The following AKAP9 variants were observed in gnomAD, a reference collection of about 807,000 sequenced individuals.
The protein encoded by AKAP9 is A-kinase anchor protein 9.
Under a neutral mutation model 488.5 loss-of-function variants are expected in AKAP9, and 311 were observed. The observed-to-expected ratio is 0.64, with a 90% confidence interval of 0.58 to 0.70. The LOEUF is 0.70. AKAP9 is among the 30% of genes least tolerant of loss of function. The pLI, the probability that AKAP9 is intolerant of heterozygous loss-of-function variation, is 0.00. For synonymous variants in AKAP9, 1,462 were observed against 1,483.5 expected, an observed-to-expected ratio of 0.99 and a Z score of 0.33; for missense variants, 4,215 against 4,374.5, an observed-to-expected ratio of 0.96 and a Z score of 1.03.
At chr7:92,081,207 ATATGT>A (rs1227270294) in intron 31 of AKAP9, among the ~76,000 whole-genome samples, 1 of 152,026 alleles carries the variant, frequency 6.6e-6, no homozygotes, top group African/African-American at 2.4e-5. Flanking sequence ...AAGTATGAAA[ATATGT>A]TAGGATTGAC....
chr7:92,008,559 C>T (rs1054549468), intron 8 of AKAP9, among the ~76,000 whole-genome samples: 4 of 150,502 alleles, frequency 2.7e-5, no homozygotes, highest in South Asian at 2.1e-4. Context: ...TGGTGGCATG[C>T]GCCTGTAATT....
At chr7:91,991,589 A>T (rs533662537) in intron 3 of AKAP9, among the ~76,000 whole-genome samples, 1 of 151,024 alleles carries the variant, frequency 6.6e-6, no homozygotes, top group South Asian at 2.1e-4. Context: ...CTCCTGCCTC[A>T]GCCTCCCAAG....
intron 1 of AKAP9, among the ~76,000 whole-genome samples, chr7:91,971,156 G>A (rs1333544604): frequency 6.6e-6 from 1 of 152,010 alleles, no homozygotes; most frequent in Non-Finnish European, 1.5e-5. Context: ...GTGTCTTCTA[G>A]GTGATCTTTG....
intron 22 of AKAP9, among the ~76,000 whole-genome samples, chr7:92,055,174 C>T (rs1808569163): frequency 6.6e-6 from 1 of 151,974 alleles, no homozygotes; most frequent in South Asian, 2.1e-4. Context: ...TACGGGCTTC[C>T]TAATACTTGT....
At chr7:91,978,835 C>A (rs1796027926) in intron 2 of AKAP9, among the ~76,000 whole-genome samples, 1 of 151,706 alleles carries the variant, frequency 6.6e-6, no homozygotes, top group Non-Finnish European at 1.5e-5. Context: ...TGGTTCACCA[C>A]AAGCTCTCCC....
chr7:91,969,218 G>A (rs2130544711), intron 1 of AKAP9, among the ~76,000 whole-genome samples: 1 of 152,192 alleles, frequency 6.6e-6, no homozygotes, highest in African/African-American at 2.4e-5. Flanking sequence ...ATTTGTTTGT[G>A]TTTTCTGAGG....
At chr7:91,948,443 T>A (rs930759073) in intron 1 of AKAP9, among the ~76,000 whole-genome samples, 2 of 152,028 alleles carry the variant, frequency 1.3e-5, no homozygotes, top group African/African-American at 4.8e-5. Flanking sequence ...AACAGTTGTG[T>A]TTTCTGTTTT....
intron 42 of AKAP9, 21 bp downstream of exon 42, chr7:92,097,815 CT>C (rs1816873107): frequency 6.2e-7 from 1 of 1,611,100 alleles, no homozygotes; most frequent in East Asian, 2.2e-5. Flanking sequence ...TCTGCCTGAT[CT>C]TTGGGAAAGT....
At position 92,079,207 on chromosome 7, in the gene AKAP9, A is replaced by G. The variant is rs150968594; in HGVS notation, c.7074A>G (p.Lys2358=). 4.6e-5 allele frequency: 74 copies of G among 1,614,040 alleles called. No individual in the cohort carries two copies. The Middle Eastern group carries it at 5.0e-4, about 11-fold the overall frequency. The change falls in exon 31 of 50, where the codon AAA becomes AAG. Residue 2358 remains lysine, a synonymous_variant. Transcript: ENST00000356239. ...AGCAGCTCAATGAAGTGATTGAAAAACTTCAACAGGAATTGGCAAATATTG... is the reference window on the plus strand; with the variant it reads ...AGCAGCTCAATGAAGTGATTGAAAAGCTTCAACAGGAATTGGCAAATATTG... The part of the protein sequence containing the change: ...EIEQLNEVIE[K]LQQELANIGQ...
chr7:91,972,282 C>T (rs548675574), intron 1 of AKAP9, among the ~76,000 whole-genome samples: 4 of 152,164 alleles, frequency 2.6e-5, no homozygotes, highest in South Asian at 2.1e-4. Context: ...CTTGCCTTCC[C>T]GCTTTGTCTC....
At position 91,948,605 on chromosome 7, in the gene AKAP9, CTTTTTTTT is replaced by C. The variant is rs55928500; in HGVS notation, c.48+7474_48+7481del. 4.1e-3 allele frequency among the ~76,000 whole-genome samples: 444 copies of C among 107,540 alleles called. 1 individual carries two copies. The highest frequency in any genetic ancestry group is 0.015 in the Middle Eastern group (3 of 200). 70.6% of individuals were successfully genotyped at this position (107,540 alleles called of 152,430 possible). A position where few individuals can be genotyped will look rare whatever the true frequency, so the allele number is the denominator to read the frequency against. ...GCACTTTTTGGCCACTTGTAGATTT[CTTTTTTTT>C]TTTTTTTTTTTTTTTGAGATGGAGT... On this transcript the variant is annotated intron_variant, in intron 1 of 49. Transcript: ENST00000356239.
chr7:92,026,307 G>GCTCTCCCTCTCC (rs879267621), intron 14 of AKAP9, among the ~76,000 whole-genome samples: 2 of 151,872 alleles, frequency 1.3e-5, no homozygotes, highest in Non-Finnish European at 2.9e-5. Context: ...GAATGAAGTC[G>GCTCTCCCTCTCC]CTCTCCCTCT....
intron 8 of AKAP9, among the ~76,000 whole-genome samples, chr7:92,009,616 A>G (rs1436966661): frequency 6.6e-6 from 1 of 152,198 alleles, no homozygotes; most frequent in East Asian, 1.9e-4. Flanking sequence ...AAAAGAAGGA[A>G]AGAAGAAAGG....
chr7:92,085,543 ACT>A lies in AKAP9; in HGVS notation c.8882_8883del (p.Thr2961ArgfsTer5). On this transcript the variant is annotated frameshift_variant, in exon 36 of 50. Transcript: ENST00000356239. LOFTEE classifies it high-confidence loss of function. Reference protein sequence around the residue: ...HNEGMQVLSLTESPYSDGEDH... With the variant: ...HNEGMQVLSLXESPYSDGEDH... ...TGAAGGCATGCAGGTGCTTTCTCTC[ACT>A]GAGTCTCCCTATAGTGATGGAGAGG... The A allele has an allele frequency of 6.2e-7, 1 of 1,614,090 alleles. No individual in the cohort carries two copies.
chr7:91,969,305 T>C (rs1794774230), intron 1 of AKAP9, among the ~76,000 whole-genome samples: 1 of 152,212 alleles, frequency 6.6e-6, no homozygotes, highest in Admixed American at 6.5e-5. Flanking sequence ...ACCTTTTGAA[T>C]TTGTTGAGAC....
intron 2 of AKAP9, among the ~76,000 whole-genome samples, chr7:91,976,158 A>G (rs1303797286): frequency 6.6e-6 from 1 of 151,940 alleles, no homozygotes; most frequent in Non-Finnish European, 1.5e-5. Context: ...CCTGACCCCA[A>G]GTGATACGTC....
intron 37 of AKAP9, among the ~76,000 whole-genome samples, chr7:92,086,701 A>G (rs1457263928): frequency 1.3e-5 from 2 of 152,230 alleles, no homozygotes; most frequent in African/African-American, 4.8e-5. Context: ...TATGTTCCAT[A>G]AAGTTGCTCT....
intron 7 of AKAP9, among the ~76,000 whole-genome samples, chr7:91,997,688 G>A (rs1442420737): frequency 6.6e-6 from 1 of 152,132 alleles, no homozygotes; most frequent in Non-Finnish European, 1.5e-5. Context: ...GGATAATCTA[G>A]GACTAGGTGA....
intron 14 of AKAP9, among the ~76,000 whole-genome samples, chr7:92,027,032 A>T (rs1333956072): frequency 7.7e-6 from 1 of 130,524 alleles, no homozygotes; most frequent in African/African-American, 3.0e-5. Context: ...CCTGTCTGGG[A>T]TGTGAGGAGC....
Sources: allele counts gnomAD v4.1 joint callset (sites outside exome capture counted in the v4.1 genomes callset), GRCh38; gene constraint gnomAD v4.1.1; transcripts MANE v1.5; gene names NCBI Gene and HGNC (gene_info 2026-07-23, HGNC 2026-07-21).